HSD17B4: variants seen among roughly 807,000 people sequenced by gnomAD.
HSD17B4 encodes hydroxysteroid 17-beta dehydrogenase 4.
A neutral mutation model predicts 101.0 loss-of-function variants in HSD17B4; 70 were observed. The ratio of observed to expected loss-of-function variants is 0.69; its 90% CI spans 0.57 to 0.85. HSD17B4 has a LOEUF of 0.85. Among genes scored for constraint, HSD17B4 ranks in the 40% least tolerant of loss-of-function variants. The pLI is 0.00. For missense variants in HSD17B4, 984 were observed against 892.4 expected (o/e 1.10, Z -1.31); for synonymous variants, 347 against 297.1 (o/e 1.17, Z -1.73).
intron 11 of HSD17B4, among the ~76,000 whole-genome samples, chr5:119,494,369 C>CTT (rs1449639982): frequency 2.1e-5 from 3 of 145,460 alleles, no homozygotes; most frequent in African/African-American, 7.7e-5. Flanking sequence ...TTCTTTCTTT[C>CTT]TTTCTTTCTT....
intron 13 of HSD17B4, 71 bp downstream of exon 13, chr5:119,499,624 A>G: frequency 2.4e-6 from 2 of 844,524 alleles, no homozygotes; most frequent in Non-Finnish European, 4.1e-6. Context: ...GTCATATCTT[A>G]TATATATGTG....
chr5:119,529,809 A>C (rs765462514), intron 20 of HSD17B4, 85 bp from the exon 21 acceptor site: 4 of 812,928 alleles, frequency 4.9e-6, no homozygotes, highest in Non-Finnish European at 6.3e-6. Context: ...AAAAATAATA[A>C]ATTTTAAACT....
At chr5:119,511,603 G>T (rs543208506) in intron 16 of HSD17B4, among the ~76,000 whole-genome samples, 1 of 152,102 alleles carries the variant, frequency 6.6e-6, no homozygotes, top group Non-Finnish European at 1.5e-5. Flanking sequence ...AGAGACCAAC[G>T]AGAGACAGTC....
chr5:119,463,804 G>A (rs1417900212), intron 2 of HSD17B4, among the ~76,000 whole-genome samples: 1 of 151,150 alleles, frequency 6.6e-6, no homozygotes, highest in African/African-American at 2.4e-5. Flanking sequence ...TAGTAACTGG[G>A]ACTACAGGCA....
At chr5:119,497,730 T>G (rs1205648367) in intron 12 of HSD17B4, among the ~76,000 whole-genome samples, 1 of 152,230 alleles carries the variant, frequency 6.6e-6, no homozygotes, top group Non-Finnish European at 1.5e-5. Context: ...TATTTATTGC[T>G]AAATGAGTGA....
chr5:119,497,997 A>C (rs3822525), intron 12 of HSD17B4, among the ~76,000 whole-genome samples: 6,408 of 152,226 alleles, frequency 0.042, 563 homozygotes, highest in East Asian at 0.42. Flanking sequence ...TTTTAGAACT[A>C]TTTCAACATG....
intron 16 of HSD17B4, among the ~76,000 whole-genome samples, chr5:119,511,490 A>G (rs988197010): frequency 1.7e-4 from 26 of 152,232 alleles, no homozygotes; most frequent in Non-Finnish European, 3.1e-4. Context: ...TTGTTGAACA[A>G]TTTATACCCC....
At position 119,509,225 on chromosome 5, in the gene HSD17B4, G is replaced by A. The variant is rs901553037; in HGVS notation, c.1418G>A (p.Arg473Gln). 4.4e-6 allele frequency: 7 copies of A among 1,602,258 alleles called. No individual in the cohort carries two copies. The highest frequency in any genetic ancestry group is 2.2e-5 in the South Asian group (2 of 90,824). Residue 473 changes from arginine to glutamine, a missense_variant, in exon 16 of 24, where the codon CGG becomes CAG. Arg to Gln is a conservative substitution (Grantham distance 43). Transcript: ENST00000510025. The part of the protein sequence containing the change: ...LVGSGGFGGK[R>Q]TSDKVKVAVA... Reference sequence around the variant, plus strand: ...GGCTCTGGAGGCTTTGGTGGAAAACGGACATCAGACAAAGTCAAGGTAAGC... The same window carrying A: ...GGCTCTGGAGGCTTTGGTGGAAAACAGACATCAGACAAAGTCAAGGTAAGC...
intron 14 of HSD17B4, among the ~76,000 whole-genome samples, chr5:119,503,487 T>C (rs1267597335): frequency 1.3e-5 from 2 of 152,164 alleles, no homozygotes; most frequent in East Asian, 3.9e-4. Context: ...GTTCAAAATA[T>C]GAGATATTTG....
chr5:119,520,246 T>G (rs1468460942), intron 17 of HSD17B4, among the ~76,000 whole-genome samples: 6 of 152,142 alleles, frequency 3.9e-5, no homozygotes, highest in Admixed American at 3.9e-4. Flanking sequence ...TGCTTTTAGA[T>G]GGCAGCTGGG....
At chr5:119,512,977 G>A (rs1214703706) in intron 16 of HSD17B4, among the ~76,000 whole-genome samples, 1 of 152,184 alleles carries the variant, frequency 6.6e-6, no homozygotes, top group Non-Finnish European at 1.5e-5. Context: ...TGAATTATAT[G>A]TGTATTGTGT....
intron 9 of HSD17B4, 31 bp downstream of exon 9, chr5:119,489,314 G>A: frequency 7.5e-7 from 1 of 1,339,000 alleles, no homozygotes; most frequent in Non-Finnish European, 1.1e-6. Context: ...TCTCTTATTA[G>A]TTTTCTCCAG....
intron 4 of HSD17B4, among the ~76,000 whole-genome samples, chr5:119,474,757 A>T (rs1748414228): frequency 6.6e-6 from 1 of 152,206 alleles, no homozygotes; most frequent in Non-Finnish European, 1.5e-5. Context: ...TGTTTATAAG[A>T]TTAAAAAATA....
intron 8 of HSD17B4, among the ~76,000 whole-genome samples, chr5:119,482,215 G>C (rs1050252024): frequency 5.9e-5 from 9 of 151,716 alleles, no homozygotes; most frequent in Non-Finnish European, 1.2e-4. Flanking sequence ...TTGCGTTTCC[G>C]TGCAGGAAGT....
At chr5:119,521,279 T>C (rs1045995377) in intron 17 of HSD17B4, among the ~76,000 whole-genome samples, 1 of 152,226 alleles carries the variant, frequency 6.6e-6, no homozygotes, top group Non-Finnish European at 1.5e-5. Context: ...CCCCTGTAAG[T>C]TACTTGATCT....
chr5:119,479,591 G>A (rs1448913152), intron 8 of HSD17B4, among the ~76,000 whole-genome samples: 1 of 152,098 alleles, frequency 6.6e-6, no homozygotes, highest in Non-Finnish European at 1.5e-5. Flanking sequence ...CATGCAGAAT[G>A]GTTTTACTGC....
intron 17 of HSD17B4, among the ~76,000 whole-genome samples, chr5:119,523,227 T>G (rs1207672699): frequency 6.6e-6 from 1 of 152,170 alleles, no homozygotes; most frequent in Non-Finnish European, 1.5e-5. Context: ...GGTACAATTT[T>G]AAAAAATCAA....
At chr5:119,467,777 G>A (rs1354185679) in intron 2 of HSD17B4, among the ~76,000 whole-genome samples, 4 of 152,218 alleles carry the variant, frequency 2.6e-5, no homozygotes, top group Non-Finnish European at 4.4e-5. Flanking sequence ...CAGGACTTGA[G>A]TAGGCACAGA....
chr5:119,527,829 C>T (rs1479837120), intron 20 of HSD17B4, among the ~76,000 whole-genome samples: 2 of 152,054 alleles, frequency 1.3e-5, no homozygotes, highest in African/African-American at 4.8e-5. Context: ...CACAAAAAAT[C>T]CACAAATTAA....
Sources: allele counts gnomAD v4.1 joint callset (sites outside exome capture counted in the v4.1 genomes callset), GRCh38; gene constraint gnomAD v4.1.1; transcripts MANE v1.5; gene names NCBI Gene and HGNC (gene_info 2026-07-23, HGNC 2026-07-21).